PDSS2: variants seen among roughly 807,000 people sequenced by gnomAD.
PDSS2 encodes the protein all trans-polyprenyl-diphosphate synthase PDSS2.
Under a neutral mutation model 44.5 loss-of-function variants are expected in PDSS2, and 31 were observed. The ratio of observed to expected loss-of-function variants is 0.70; its 90% confidence interval spans 0.52 to 0.94. The LOEUF (loss-of-function observed/expected upper bound fraction) is 0.94. Ranked by LOEUF, PDSS2 falls within the 40% of genes least tolerant of loss-of-function variation. The pLI, the probability that PDSS2 is intolerant of heterozygous loss-of-function variation, is 0.00. For missense variants in PDSS2, 452 were observed against 482.2 expected (o/e 0.94, Z 0.59); for synonymous variants, 157 against 180.3 (o/e 0.87, Z 1.03).
intron 6 of PDSS2, among the ~76,000 whole-genome samples, chr6:107,207,629 T>G (rs12192293): frequency 9.2e-6 from 1 of 108,496 alleles, no homozygotes; most frequent in African/African-American, 5.2e-5. Flanking sequence ...TTTTTTTTTG[T>G]GAGACAGAGT....
At chr6:107,363,637 A>T (rs973833930) in intron 1 of PDSS2, among the ~76,000 whole-genome samples, 1 of 152,240 alleles carries the variant, frequency 6.6e-6, no homozygotes, top group Non-Finnish European at 1.5e-5. Flanking sequence ...GAAAGAACAA[A>T]GCTCCCACGG....
chr6:107,227,571 C>A (rs1322163458), intron 4 of PDSS2, among the ~76,000 whole-genome samples: 1 of 152,152 alleles, frequency 6.6e-6, no homozygotes, highest in Non-Finnish European at 1.5e-5. Flanking sequence ...CAGGCTTGAG[C>A]CACTGCATCG....
At chr6:107,205,189 G>A (rs1388045373) in intron 6 of PDSS2, among the ~76,000 whole-genome samples, 2 of 152,214 alleles carry the variant, frequency 1.3e-5, no homozygotes, top group African/African-American at 4.8e-5. Flanking sequence ...GCAATAGTAA[G>A]CTATCTAGGG....
At chr6:107,227,945 A>T (rs1281042198) in intron 4 of PDSS2, among the ~76,000 whole-genome samples, 1 of 152,048 alleles carries the variant, frequency 6.6e-6, no homozygotes, top group East Asian at 1.9e-4. Context: ...AAAAATTGGG[A>T]CTCACCAGCC....
chr6:107,205,059 CAT>C (rs1234748490), intron 6 of PDSS2, among the ~76,000 whole-genome samples: 1 of 152,188 alleles, frequency 6.6e-6, no homozygotes. Flanking sequence ...AAGAGTATCA[CAT>C]GTGTTATTAA....
chr6:107,309,679 C>G (rs1776972629), intron 2 of PDSS2, among the ~76,000 whole-genome samples: 1 of 152,134 alleles, frequency 6.6e-6, no homozygotes, highest in East Asian at 1.9e-4. Flanking sequence ...ATTGCGAATC[C>G]TTGATAACAC....
chr6:107,253,900 T>C (rs1302588514), intron 3 of PDSS2, among the ~76,000 whole-genome samples: 1 of 152,082 alleles, frequency 6.6e-6, no homozygotes, highest in Non-Finnish European at 1.5e-5. Flanking sequence ...TGGTAGCTCG[T>C]GCCTGTAATC....
chr6:107,285,869 C>G (rs1776123321), intron 2 of PDSS2, among the ~76,000 whole-genome samples: 1 of 152,092 alleles, frequency 6.6e-6, no homozygotes, highest in African/African-American at 2.4e-5. Context: ...GCTGGGCGCA[C>G]TGGCTCATGC....
chr6:107,445,933 T>C (rs1208190716), intron 1 of PDSS2, among the ~76,000 whole-genome samples: 1 of 152,150 alleles, frequency 6.6e-6, no homozygotes, highest in East Asian at 1.9e-4. Context: ...TCTTTCTCTC[T>C]CTGTCTCTGT....
At chr6:107,429,571 T>C (rs1257241649) in intron 1 of PDSS2, among the ~76,000 whole-genome samples, 1 of 151,990 alleles carries the variant, frequency 6.6e-6, no homozygotes, top group Non-Finnish European at 1.5e-5. Flanking sequence ...CATAAACACA[T>C]AGCGGCCATG....
intron 2 of PDSS2, among the ~76,000 whole-genome samples, chr6:107,307,595 T>C (rs1776903012): frequency 6.6e-6 from 1 of 152,040 alleles, no homozygotes; most frequent in African/African-American, 2.4e-5. Flanking sequence ...GACCAAACTG[T>C]GCAATGTCTT....
intron 1 of PDSS2, among the ~76,000 whole-genome samples, chr6:107,389,310 A>G (rs1009855367): frequency 6.6e-6 from 1 of 152,216 alleles, no homozygotes; most frequent in Admixed American, 6.5e-5. Flanking sequence ...TAAATGTATG[A>G]CATAATATCT....
At chr6:107,286,640 A>T (rs1776160102) in intron 2 of PDSS2, among the ~76,000 whole-genome samples, 1 of 152,174 alleles carries the variant, frequency 6.6e-6, no homozygotes, top group Non-Finnish European at 1.5e-5. Flanking sequence ...TTACCCAAAT[A>T]AGTAAGTTAA....
Position 107,459,339 on chromosome 6 carries a change from A to T in PDSS2, c.-54T>A, listed in dbSNP as rs564527779. ...GGGGGTATCCAGAAGTGCCGCGGGA[A>T]ACAAACCAGGGGCAGAGGAGGAACT... On this transcript the variant is annotated 5_prime_UTR_variant, in exon 1 of 8. Transcript: ENST00000369037. This position sits in a 1 kb window ranked among gnomAD's most constrained non-coding sequence, Gnocchi z 4.3. 8.7e-6 allele frequency: 13 copies of T among 1,488,740 alleles called. No individual in the cohort carries two copies. In the African/African-American group the frequency reaches 1.6e-4, roughly 19 times the overall value. 92.2% of individuals were successfully genotyped at this position (1,488,740 alleles called of 1,614,324 possible).
chr6:107,332,311 GC>G (rs934130551), intron 2 of PDSS2, among the ~76,000 whole-genome samples: 10 of 151,940 alleles, frequency 6.6e-5, no homozygotes, highest in African/African-American at 2.4e-4. Context: ...TCTCCATGTT[GC>G]CCAGGCTGGT....
intron 4 of PDSS2, among the ~76,000 whole-genome samples, chr6:107,223,092 G>GC (rs1773668678): frequency 6.8e-6 from 1 of 146,748 alleles, no homozygotes; most frequent in Non-Finnish European, 1.5e-5. Context: ...GGGATTACAG[G>GC]TGTGCGTCAC....
At chr6:107,325,941 T>A (rs1562463340) in intron 2 of PDSS2, among the ~76,000 whole-genome samples, 1 of 152,208 alleles carries the variant, frequency 6.6e-6, no homozygotes, top group East Asian at 1.9e-4. Flanking sequence ...GTTTTGGAAC[T>A]TTTTCATAAA....
At chr6:107,375,322 C>T (rs1176036177) in intron 1 of PDSS2, among the ~76,000 whole-genome samples, 3 of 151,966 alleles carry the variant, frequency 2.0e-5, no homozygotes, top group Admixed American at 6.6e-5. Flanking sequence ...AAACCAGATA[C>T]ACCTCTAGCC....
chr6:107,168,880 C>G (rs1238003767), intron 7 of PDSS2, among the ~76,000 whole-genome samples: 1 of 152,158 alleles, frequency 6.6e-6, no homozygotes, highest in Non-Finnish European at 1.5e-5. Flanking sequence ...TTGTGGGTAA[C>G]CCGACCTTTC....
Sources: allele counts gnomAD v4.1 joint callset (sites outside exome capture counted in the v4.1 genomes callset), GRCh38; gene constraint gnomAD v4.1.1; non-coding constraint Gnocchi (gnomAD v3.1); transcripts MANE v1.5; gene names NCBI Gene and HGNC (gene_info 2026-07-23, HGNC 2026-07-21).